The following DOCK4 variants were observed in gnomAD, a reference collection of about 807,000 sequenced individuals.
DOCK4 encodes dedicator of cytokinesis protein 4.
In DOCK4, 97 loss-of-function variants were observed where a neutral mutation model predicts 268.1. The ratio of observed to expected loss-of-function variants is 0.36; its 90% CI spans 0.31 to 0.43. The LOEUF is 0.43. Ranked by LOEUF, DOCK4 falls within the 20% of genes least tolerant of loss-of-function variation. The pLI is 1.00. For synonymous variants in DOCK4, 954 were observed against 887.2 expected (o/e 1.08, Z -1.34); for missense variants, 2,145 against 2,455.7 (o/e 0.87, Z 2.67).
intron 25 of DOCK4, among the ~76,000 whole-genome samples, chr7:111,837,184 A>G (rs1287059467): frequency 6.6e-6 from 1 of 152,064 alleles, no homozygotes; most frequent in Non-Finnish European, 1.5e-5. Context: ...AAGATGAGAA[A>G]AGATTTCTCT....
chr7:112,190,244 C>A (rs77482964), intron 1 of DOCK4, among the ~76,000 whole-genome samples: 4,826 of 152,204 alleles, frequency 0.032, 103 homozygotes, highest in Middle Eastern at 0.082. Flanking sequence ...GAAATCAAAG[C>A]TGAACCACAC....
At chr7:111,880,672 T>C (rs1454054576) in intron 16 of DOCK4, among the ~76,000 whole-genome samples, 1 of 152,206 alleles carries the variant, frequency 6.6e-6, no homozygotes, top group African/African-American at 2.4e-5. Context: ...TACTTTGAAT[T>C]CTACTACAGA....
intron 22 of DOCK4, among the ~76,000 whole-genome samples, chr7:111,867,108 A>C (rs1806037662): frequency 6.6e-6 from 1 of 152,240 alleles, no homozygotes; most frequent in South Asian, 2.1e-4. Flanking sequence ...ACAAGAATAG[A>C]CCTCTCAACA....
At chr7:111,741,831 T>C (rs1376392687) in intron 45 of DOCK4, among the ~76,000 whole-genome samples, 170 bp from the exon 46 acceptor site, 1 of 152,188 alleles carries the variant, frequency 6.6e-6, no homozygotes, top group Non-Finnish European at 1.5e-5. Flanking sequence ...TACATTTGTG[T>C]TTTCCCAAAA....
chr7:111,750,938 G>C (rs946519324), intron 42 of DOCK4, among the ~76,000 whole-genome samples: 1 of 152,174 alleles, frequency 6.6e-6, no homozygotes, highest in African/African-American at 2.4e-5. Flanking sequence ...GTAGAATACA[G>C]CATTATCTTT....
chr7:112,170,490 T>C (rs1817996782), intron 1 of DOCK4, among the ~76,000 whole-genome samples: 1 of 151,726 alleles, frequency 6.6e-6, no homozygotes, highest in Non-Finnish European at 1.5e-5. Context: ...CATATATATT[T>C]AGAGTTAACT....
intron 16 of DOCK4, among the ~76,000 whole-genome samples, chr7:111,889,974 AC>A (rs1808158833): frequency 6.6e-6 from 1 of 152,006 alleles, no homozygotes; most frequent in African/African-American, 2.4e-5. Context: ...AATTTACAAA[AC>A]CCCAACTTCT....
chr7:111,858,058 G>A (rs1805158246), intron 23 of DOCK4, among the ~76,000 whole-genome samples: 1 of 152,120 alleles, frequency 6.6e-6, no homozygotes, highest in African/African-American at 2.4e-5. Context: ...TGACCTTGGG[G>A]GTGTGACTAA....
chr7:111,971,751 A>G, intron 8 of DOCK4: 1 of 300,420 alleles, frequency 3.3e-6, no homozygotes, highest in Admixed American at 4.3e-5. Flanking sequence ...TGGTGGTCCA[A>G]GGCCTGAATG....
At chr7:111,939,233 G>T (rs1795001457) in intron 11 of DOCK4, among the ~76,000 whole-genome samples, 4 of 151,868 alleles carry the variant, frequency 2.6e-5, no homozygotes, top group Admixed American at 2.6e-4. Context: ...ATCTATTTAT[G>T]GGCTGGGGGT....
intron 1 of DOCK4, among the ~76,000 whole-genome samples, chr7:112,094,708 A>T (rs941793927): frequency 6.6e-6 from 1 of 152,170 alleles, no homozygotes; most frequent in African/African-American, 2.4e-5. Context: ...TCCTGGCCCA[A>T]ATCTCAAGTT....
intron 6 of DOCK4, 58 bp downstream of exon 6, chr7:111,988,957 T>G (rs1186672357): frequency 2.6e-6 from 4 of 1,554,708 alleles, no homozygotes; most frequent in Non-Finnish European, 3.5e-6. Context: ...GGCTCAGGCC[T>G]ATGTCACTTC....
intron 1 of DOCK4, among the ~76,000 whole-genome samples, chr7:112,135,246 T>G (rs1424501842): frequency 6.6e-6 from 1 of 152,170 alleles, no homozygotes; most frequent in African/African-American, 2.4e-5. Context: ...GATTGAATTT[T>G]AAGTCATTTT....
chr7:112,164,208 G>C (rs936197048), intron 1 of DOCK4, among the ~76,000 whole-genome samples: 1 of 152,010 alleles, frequency 6.6e-6, no homozygotes, highest in African/African-American at 2.4e-5. Context: ...AAGTTTGAAG[G>C]TGTAGTGAGC....
intron 25 of DOCK4, among the ~76,000 whole-genome samples, chr7:111,837,243 T>G (rs1803308132): frequency 6.6e-6 from 1 of 151,402 alleles, no homozygotes; most frequent in South Asian, 2.1e-4. Flanking sequence ...TTCAGAGAAC[T>G]AAAAGGAAAA....
intron 1 of DOCK4, among the ~76,000 whole-genome samples, chr7:112,199,452 G>A (rs1820733819): frequency 6.6e-6 from 1 of 152,058 alleles, no homozygotes; most frequent in Non-Finnish European, 1.5e-5. Context: ...CTTTTTTGAT[G>A]ATTTTTATTT....
At chr7:111,869,372 C>T in intron 21 of DOCK4, 1 of 524,720 alleles carries the variant, frequency 1.9e-6, no homozygotes, top group Non-Finnish European at 3.5e-6. Context: ...CAATCCTGAA[C>T]AGTTTCCAGT....
chr7:112,022,862 G>A lies in DOCK4; in HGVS notation c.38-18731C>T, dbSNP rs532230133. On this transcript the variant is annotated intron_variant, in intron 1 of 52. Transcript: ENST00000428084. The stretch of plus-strand genomic sequence containing the variant: ...GCAATTTCCTGCTAAGGAAGTGAAA[G>A]GCCTGTAAATTGCCCCCAGAATTCA... Among the ~76,000 whole-genome samples, 3 of 152,288 alleles carry A rather than the reference G, an allele frequency of 2.0e-5. No homozygotes were observed. The East Asian group carries it at 5.8e-4, about 29-fold the overall frequency.
In DOCK4 at chr7:111,994,229, T is replaced by G; in HGVS notation, c.221A>C (p.Gln74Pro). The G allele has an allele frequency of 6.3e-7, 1 of 1,575,156 alleles. No individual in the cohort carries two copies. Among genetic ancestry groups the G allele is most frequent in the Non-Finnish European group, 8.6e-7 (1 of 1,156,994 alleles). The change falls in exon 5 of 53, where the codon CAA (glutamine) becomes CCA (proline). Residue 74 changes from glutamine (Q) to proline (P), a missense_variant and splice_region_variant. By Grantham distance (76) the Gln-to-Pro change is moderately conservative (BLOSUM62 -1). Transcript: ENST00000428084. The part of the protein sequence containing the change: ...LKNACVKNKG[Q>P]FEMVIPTEDS... ...TTCAGTGGGAATAACCATTTCAAAT[T>G]GTCTGTGAAATTAAAAAAGAAAAAG...
Sources: allele counts gnomAD v4.1 joint callset (sites outside exome capture counted in the v4.1 genomes callset), GRCh38; gene constraint gnomAD v4.1.1; transcripts MANE v1.5; gene names NCBI Gene and HGNC (gene_info 2026-07-23, HGNC 2026-07-21).